The following CSE1L variants were observed in gnomAD, a reference collection of about 807,000 sequenced individuals.
The protein encoded by CSE1L is exportin-2.
In CSE1L, 24 loss-of-function variants were observed where a neutral mutation model predicts 120.4. That is an observed-to-expected ratio of 0.20 (90% CI 0.14 to 0.28). The LOEUF (loss-of-function observed/expected upper bound fraction) is 0.28, where lower values mean the gene tolerates loss of function less well. Ranked by LOEUF, CSE1L falls within the 10% of genes least tolerant of loss-of-function variation. The pLI, the probability that CSE1L is intolerant of heterozygous loss-of-function variation, is 1.00. For missense variants in CSE1L, 830 were observed against 1,145.2 expected (o/e 0.72, Z 3.97); for synonymous variants, 402 against 398.3 (o/e 1.01, Z -0.11).
In CSE1L at chr20:49,077,728, G is replaced by C. The variant is rs182504041; in HGVS notation, c.1420+664G>C. On this transcript the variant is annotated intron_variant, in intron 13 of 24. Coordinates refer to ENST00000262982, the MANE Select transcript of CSE1L (RefSeq NM_001316.4). The stretch of plus-strand genomic sequence containing the variant: ...TAAATATTAAGGATATCTTTTGGCC[G>C]GGTGCGGTGGCTCACACCTGTAATC... Among the ~76,000 whole-genome samples the C allele has an allele frequency of 2.4e-3, 372 of 152,204 alleles. 2 individuals carry two copies. Among genetic ancestry groups the C allele is most frequent in the Middle Eastern group, 0.024 (7 of 294 alleles).
At chr20:49,070,147 T>G in intron 7 of CSE1L, 58 bp from the exon 8 acceptor site, 1 of 798,860 alleles carries the variant, frequency 1.3e-6, no homozygotes, top group Non-Finnish European at 2.0e-6. Context: ...AGGGAACTTA[T>G]AAAAGTGGTG....
intron 14 of CSE1L, among the ~76,000 whole-genome samples, chr20:49,080,718 C>A (rs757678090): frequency 6.6e-6 from 1 of 152,096 alleles, no homozygotes; most frequent in African/African-American, 2.4e-5. Flanking sequence ...TCAGGCGATC[C>A]GCCTGCCTCG....
chr20:49,086,532 A>C (rs1306189030), intron 16 of CSE1L, among the ~76,000 whole-genome samples: 1 of 151,048 alleles, frequency 6.6e-6, no homozygotes, highest in Non-Finnish European at 1.5e-5. Flanking sequence ...TGCCCAGCTA[A>C]TTTTGTATTT....
intron 24 of CSE1L, among the ~76,000 whole-genome samples, chr20:49,095,841 A>G (rs1227289780): frequency 2.0e-5 from 3 of 152,166 alleles, no homozygotes; most frequent in Admixed American, 2.0e-4. Context: ...AGCCTGGGCA[A>G]CAGAGCGAGG....
chr20:49,079,576 G>C (rs1474091931), intron 14 of CSE1L, among the ~76,000 whole-genome samples: 1 of 151,870 alleles, frequency 6.6e-6, no homozygotes, highest in Non-Finnish European at 1.5e-5. Context: ...ATTTATCTTA[G>C]AGACTTTCTC....
chr20:49,050,947 A>G (rs1301117865), intron 1 of CSE1L, among the ~76,000 whole-genome samples: 3 of 152,200 alleles, frequency 2.0e-5, no homozygotes, highest in Non-Finnish European at 4.4e-5. Context: ...GAAGAATAAT[A>G]TTTTTGATGG....
chr20:49,089,819 A>G, intron 19 of CSE1L, 73 bp downstream of exon 19: 2 of 1,399,304 alleles, frequency 1.4e-6, no homozygotes, highest in Non-Finnish European at 2.0e-6. Context: ...GATGTTTGAA[A>G]TTTTTTTATT....
At chr20:49,095,049 C>A in intron 24 of CSE1L, 86 bp downstream of exon 24, 3 of 1,013,480 alleles carry the variant, frequency 3.0e-6, no homozygotes, top group South Asian at 1.4e-5. Context: ...TGTCTGTTTT[C>A]ATTGGTGGGC....
At chr20:49,061,530 A>T (rs1475081670) in intron 2 of CSE1L, among the ~76,000 whole-genome samples, 2 of 137,338 alleles carry the variant, frequency 1.5e-5, no homozygotes, top group Non-Finnish European at 3.1e-5. Context: ...TTTGAGACAG[A>T]GTCTCACTCT....
At chr20:49,088,432 AG>A (rs903975200) in intron 17 of CSE1L, among the ~76,000 whole-genome samples, 1 of 152,230 alleles carries the variant, frequency 6.6e-6, no homozygotes, top group African/African-American at 2.4e-5. Flanking sequence ...GATATAAAAG[AG>A]GCTGTCTGGA....
Position 49,064,323 on chromosome 20 carries a change from C to A in CSE1L, c.228+979C>A, listed in dbSNP as rs565024903. On this transcript the variant is annotated intron_variant, in intron 3 of 24. Transcript: ENST00000262982. ...TCAACTTTAAACTGCTCAAAAACAT[C>A]TTAGAGTCTTACTTTTTTTCTCATT... Among the ~76,000 whole-genome samples, 3 of 152,194 alleles carry A rather than the reference C, an allele frequency of 2.0e-5. No individual in the cohort carries two copies. The South Asian group carries it at 6.2e-4, about 31-fold the overall frequency.
intron 16 of CSE1L, among the ~76,000 whole-genome samples, chr20:49,086,135 C>T (rs1286975412): frequency 6.6e-6 from 1 of 152,084 alleles, no homozygotes; most frequent in Non-Finnish European, 1.5e-5. Context: ...GTTGAGTGTC[C>T]TGGTGCCAGC....
chr20:49,073,260 G>A (rs1157607818), intron 10 of CSE1L, among the ~76,000 whole-genome samples: 1 of 152,086 alleles, frequency 6.6e-6, no homozygotes, highest in Non-Finnish European at 1.5e-5. Flanking sequence ...CAGTCCACCC[G>A]CTTTAGCCTC....
intron 2 of CSE1L, among the ~76,000 whole-genome samples, chr20:49,059,657 A>T (rs966248569): frequency 1.6e-4 from 25 of 152,266 alleles, no homozygotes; most frequent in African/African-American, 6.0e-4. Context: ...AGGTGGGCAG[A>T]TCACGAGGGC....
At chr20:49,065,197 G>A (rs2091881522) in intron 3 of CSE1L, among the ~76,000 whole-genome samples, 1 of 149,090 alleles carries the variant, frequency 6.7e-6, no homozygotes, top group African/African-American at 2.5e-5. Context: ...AAAGATTTTT[G>A]TTCTAAAGTG....
chr20:49,057,502 G>A (rs1292736857), intron 1 of CSE1L, among the ~76,000 whole-genome samples: 2 of 138,632 alleles, frequency 1.4e-5, no homozygotes, highest in Non-Finnish European at 3.0e-5. Context: ...CACCCAAGTT[G>A]GAGTGCAGTG....
At chr20:49,069,532 G>A (rs1311815855) in intron 7 of CSE1L, among the ~76,000 whole-genome samples, 1 of 152,212 alleles carries the variant, frequency 6.6e-6, no homozygotes, top group Non-Finnish European at 1.5e-5. Flanking sequence ...ACTCATAGTG[G>A]TAGGGAAAGC....
At chr20:49,073,058 C>A (rs1353658655) in intron 10 of CSE1L, among the ~76,000 whole-genome samples, 3 of 152,212 alleles carry the variant, frequency 2.0e-5, no homozygotes, top group Non-Finnish European at 4.4e-5. Context: ...GTCACCCAGG[C>A]TGGAGTGCAG....
chr20:49,062,289 T>C (rs1023290650), intron 2 of CSE1L, among the ~76,000 whole-genome samples: 4 of 152,174 alleles, frequency 2.6e-5, no homozygotes, highest in African/African-American at 7.2e-5. Context: ...TTTGAAAATA[T>C]CAGTGAAACT....
Sources: gnomAD v4.1 joint callset for allele counts (sites outside exome capture counted in the v4.1 genomes callset) on GRCh38, gnomAD v4.1.1 for gene constraint, MANE v1.5 for transcripts, NCBI Gene and HGNC (gene_info 2026-07-23, HGNC 2026-07-21) for gene names.